STK4: variants seen among roughly 807,000 people sequenced by gnomAD.
STK4 encodes serine/threonine kinase 4.
STK4 carries 30 observed loss-of-function variants against 64.9 expected under a neutral mutation model. The ratio of observed to expected loss-of-function variants is 0.46; its 90% CI spans 0.35 to 0.63. The LOEUF (loss-of-function observed/expected upper bound fraction) is 0.63, where lower values mean the gene tolerates loss of function less well. Ranked by LOEUF, STK4 falls within the 20% of genes least tolerant of loss-of-function variation. The pLI, the probability that STK4 is intolerant of heterozygous loss-of-function variation, is 0.01. For synonymous variants in STK4, 177 were observed against 199.0 expected, an observed-to-expected ratio of 0.89 and a Z score of 0.93; for missense variants, 466 against 598.5, an observed-to-expected ratio of 0.78 and a Z score of 2.31.
chr20:44,993,227 A>T (rs1261977681), intron 5 of STK4, among the ~76,000 whole-genome samples: 5 of 137,326 alleles, frequency 3.6e-5, no homozygotes, highest in African/African-American at 1.3e-4. Context: ...ACAGGTTATT[A>T]TATATACATA....
At chr20:44,983,072 C>T (rs1311410617) in intron 4 of STK4, among the ~76,000 whole-genome samples, 3 of 152,044 alleles carry the variant, frequency 2.0e-5, no homozygotes, top group African/African-American at 7.2e-5. Flanking sequence ...GTAACCAGTG[C>T]AAAGACCTTG....
chr20:44,982,065 G>A, intron 4 of STK4, 122 bp downstream of exon 4: 1 of 492,772 alleles, frequency 2.0e-6, no homozygotes, highest in Non-Finnish European at 3.6e-6. Context: ...CTTTTCCATG[G>A]TTATTTTCCA....
At chr20:45,073,479 TAGAC>T (rs1229418508) in intron 10 of STK4, among the ~76,000 whole-genome samples, 1 of 151,930 alleles carries the variant, frequency 6.6e-6, no homozygotes, top group Non-Finnish European at 1.5e-5. Context: ...CAAGGAAGGG[TAGAC>T]AGACAGAGGG....
At chr20:45,046,742 C>T (rs753114957) in intron 10 of STK4, among the ~76,000 whole-genome samples, 8 of 151,554 alleles carry the variant, frequency 5.3e-5, no homozygotes, top group Non-Finnish European at 8.8e-5. Flanking sequence ...AGTGCAGTGG[C>T]GTGATCTCGG....
chr20:45,016,857 A>C (rs2068151244), intron 9 of STK4, among the ~76,000 whole-genome samples: 1 of 152,204 alleles, frequency 6.6e-6, no homozygotes, highest in South Asian at 2.1e-4. Flanking sequence ...CAAACAATAT[A>C]CTTTGGTCCT....
chr20:45,053,916 T>G (rs961663958), intron 10 of STK4, among the ~76,000 whole-genome samples: 31 of 151,822 alleles, frequency 2.0e-4, no homozygotes, highest in African/African-American at 6.8e-4. Flanking sequence ...TTTGTTTTTT[T>G]TTTCAGCCAA....
chr20:44,988,521 A>ATGTGTGTGTGTGTGTG (rs1355396060), intron 5 of STK4, among the ~76,000 whole-genome samples: 1 of 83,144 alleles, frequency 1.2e-5, no homozygotes, highest in Admixed American at 1.2e-4. Context: ...GTGTGTATAT[A>ATGTGTGTGTGTGTGTG]TATGTGTGTG....
chr20:44,988,956 C>T (rs1230458782), intron 5 of STK4, among the ~76,000 whole-genome samples: 1 of 152,110 alleles, frequency 6.6e-6, no homozygotes, highest in Non-Finnish European at 1.5e-5. Context: ...TTGTAACATG[C>T]ATCAATTCTT....
At chr20:45,048,628 C>T (rs1480196914) in intron 10 of STK4, among the ~76,000 whole-genome samples, 1 of 152,088 alleles carries the variant, frequency 6.6e-6, no homozygotes, top group Non-Finnish European at 1.5e-5. Context: ...GCCTCAGCCT[C>T]CCGCCACCAT....
intron 10 of STK4, among the ~76,000 whole-genome samples, chr20:45,036,636 A>G (rs1027473242): frequency 2.2e-4 from 34 of 152,188 alleles, no homozygotes; most frequent in African/African-American, 7.5e-4. Context: ...GGTTGCTAAG[A>G]TCTGTGGTAA....
At chr20:45,030,789 T>C (rs562665241) in intron 10 of STK4, among the ~76,000 whole-genome samples, 1 of 152,302 alleles carries the variant, frequency 6.6e-6, no homozygotes, top group Non-Finnish European at 1.5e-5. Context: ...AAATGTAATA[T>C]TTTGTGAGAA....
chr20:45,006,253 GTATTTATTTATT>G (rs71197590), intron 9 of STK4, among the ~76,000 whole-genome samples: 4 of 146,802 alleles, frequency 2.7e-5, no homozygotes, highest in Non-Finnish European at 4.5e-5. Flanking sequence ...TGTTTCGGAT[GTATTTATTTATT>G]TATTTATTTA....
chr20:45,071,118 G>A (rs73113469), intron 10 of STK4, among the ~76,000 whole-genome samples: 1,690 of 152,192 alleles, frequency 0.011, 12 homozygotes, highest in Non-Finnish European at 0.017. Context: ...TATCCAGTGG[G>A]AGCTGATCTG....
chr20:45,026,318 A>AGTGTGTGT (rs113148879), intron 10 of STK4, among the ~76,000 whole-genome samples: 15,736 of 145,668 alleles, frequency 0.11, 911 homozygotes, highest in Middle Eastern at 0.16. Context: ...AGACAGAAAG[A>AGTGTGTGT]GTGTGTGTGT....
chr20:45,044,399 T>C (rs2068661070), intron 10 of STK4, among the ~76,000 whole-genome samples: 1 of 152,126 alleles, frequency 6.6e-6, no homozygotes, highest in South Asian at 2.1e-4. Flanking sequence ...TAATCCCAGC[T>C]TTTTGGGAGG....
intron 9 of STK4, chr20:45,007,741 A>T: frequency 2.5e-6 from 1 of 401,410 alleles, no homozygotes; most frequent in South Asian, 1.9e-5. Flanking sequence ...TGTTCGAAAC[A>T]ATTGTTTATT....
intron 10 of STK4, among the ~76,000 whole-genome samples, chr20:45,031,806 G>A (rs937808616): frequency 2.0e-5 from 3 of 151,112 alleles, no homozygotes; most frequent in Non-Finnish European, 4.4e-5. Flanking sequence ...TCAGGGGGCC[G>A]AGGCAGAAGA....
intron 1 of STK4, among the ~76,000 whole-genome samples, chr20:44,968,510 G>C (rs1157807158): frequency 6.6e-6 from 1 of 152,224 alleles, no homozygotes; most frequent in Non-Finnish European, 1.5e-5. Flanking sequence ...TATGTTAGCA[G>C]ATATTTACTA....
intron 10 of STK4, among the ~76,000 whole-genome samples, chr20:45,066,185 C>T (rs912970562): frequency 4.9e-5 from 4 of 81,350 alleles, no homozygotes; most frequent in Non-Finnish European, 1.2e-4. Context: ...TATATCTACA[C>T]ACACACACAC....
Sources: allele counts gnomAD v4.1 joint callset (sites outside exome capture counted in the v4.1 genomes callset), GRCh38; gene constraint gnomAD v4.1.1; transcripts MANE v1.5; gene names NCBI Gene and HGNC (gene_info 2026-07-23, HGNC 2026-07-21).